Variants in LRRTM3 observed in about 807,000 individuals in gnomAD.
The protein encoded by LRRTM3 is leucine-rich repeat transmembrane neuronal protein 3.
In LRRTM3, 24 loss-of-function variants were observed where a neutral mutation model predicts 44.7. The observed-to-expected ratio is 0.54, with a 90% CI of 0.39 to 0.76. LRRTM3 has a LOEUF of 0.76. Among genes scored for constraint, LRRTM3 ranks in the 30% least tolerant of loss-of-function variants. The probability of loss-of-function intolerance (pLI) is 0.00; values close to 1 mark genes in which losing one functional copy is unlikely to be tolerated. For synonymous variants in LRRTM3, 277 were observed against 278.7 expected, an observed-to-expected ratio of 0.99 and a Z score of 0.06; for missense variants, 587 against 702.2, an observed-to-expected ratio of 0.84 and a Z score of 1.85.
chr10:66,959,019 C>T (rs1848982159), intron 2 of LRRTM3, among the ~76,000 whole-genome samples: 1 of 152,116 alleles, frequency 6.6e-6, no homozygotes, highest in Admixed American at 6.6e-5. Flanking sequence ...ACAGACCCTT[C>T]TCTCTTAATT....
intron 2 of LRRTM3, among the ~76,000 whole-genome samples, chr10:67,046,947 A>AC (rs1854790279): frequency 2.0e-5 from 3 of 152,216 alleles, no homozygotes; most frequent in Non-Finnish European, 4.4e-5. Flanking sequence ...GTAAAGAAGA[A>AC]ATAATTACCA....
At chr10:67,081,102 A>T (rs954845654) in intron 2 of LRRTM3, among the ~76,000 whole-genome samples, 1 of 152,150 alleles carries the variant, frequency 6.6e-6, no homozygotes, top group Non-Finnish European at 1.5e-5. Context: ...ATAATGTCTA[A>T]ATGTTTCTCT....
At chr10:67,041,963 C>T (rs879825502) in intron 2 of LRRTM3, among the ~76,000 whole-genome samples, 5 of 152,006 alleles carry the variant, frequency 3.3e-5, no homozygotes, top group Non-Finnish European at 5.9e-5. Context: ...CAGAAGGACA[C>T]ATTGGGCATA....
chr10:67,010,116 C>G (rs1221799249), intron 2 of LRRTM3, among the ~76,000 whole-genome samples: 1 of 152,114 alleles, frequency 6.6e-6, no homozygotes, highest in East Asian at 1.9e-4. Context: ...ATTTATCATA[C>G]TCTAACTAGT....
At chr10:66,973,896 A>G (rs1327169312) in intron 2 of LRRTM3, among the ~76,000 whole-genome samples, 1 of 152,190 alleles carries the variant, frequency 6.6e-6, no homozygotes, top group Non-Finnish European at 1.5e-5. Flanking sequence ...TGCTGGGATT[A>G]CAGGCGTGAA....
intron 2 of LRRTM3, among the ~76,000 whole-genome samples, chr10:66,930,518 G>C (rs1047889077): frequency 3.9e-5 from 6 of 152,078 alleles, no homozygotes; most frequent in African/African-American, 1.4e-4. Context: ...TTAATGAAAT[G>C]CAGTCTTAAA....
chr10:67,075,358 T>C (rs191036919), intron 2 of LRRTM3, among the ~76,000 whole-genome samples: 3 of 152,276 alleles, frequency 2.0e-5, no homozygotes, highest in Admixed American at 2.0e-4. Flanking sequence ...ATTCCACCAT[T>C]AGGAAAAGAG....
At chr10:66,937,442 C>G (rs1189164911) in intron 2 of LRRTM3, among the ~76,000 whole-genome samples, 5 of 152,144 alleles carry the variant, frequency 3.3e-5, no homozygotes, top group South Asian at 4.1e-4. Context: ...AATACTTTCT[C>G]CTTCCCTTCA....
intron 2 of LRRTM3, among the ~76,000 whole-genome samples, chr10:67,081,332 G>A (rs1430430151): frequency 1.3e-5 from 2 of 152,124 alleles, no homozygotes; most frequent in African/African-American, 4.8e-5. Context: ...AAGGACATGA[G>A]GAGTTTTTCA....
At chr10:67,013,007 T>C (rs1021582675) in intron 2 of LRRTM3, 2 of 152,166 alleles carry the variant, frequency 1.3e-5, no homozygotes, top group Non-Finnish European at 2.9e-5. Flanking sequence ...CCAGTTCTTA[T>C]GCACTGCAAT....
intron 2 of LRRTM3, among the ~76,000 whole-genome samples, chr10:66,971,683 A>G (rs1319765488): frequency 6.6e-6 from 1 of 152,162 alleles, no homozygotes; most frequent in Non-Finnish European, 1.5e-5. Context: ...TGGTAAGAAC[A>G]GGTAAGGGTA....
At chr10:67,026,443 TA>T (rs1385693626) in intron 2 of LRRTM3, among the ~76,000 whole-genome samples, 2 of 151,854 alleles carry the variant, frequency 1.3e-5, no homozygotes, top group Admixed American at 6.6e-5. Context: ...CTATTTAAAA[TA>T]AAAACAAAAT....
intron 2 of LRRTM3, among the ~76,000 whole-genome samples, chr10:67,068,139 G>A (rs1035806890): frequency 5.9e-5 from 9 of 152,056 alleles, no homozygotes. Flanking sequence ...AATAATGAGA[G>A]CTAAACTAAG....
intron 2 of LRRTM3, among the ~76,000 whole-genome samples, chr10:66,983,136 C>A (rs1015236156): frequency 1.9e-4 from 29 of 152,164 alleles, no homozygotes; most frequent in African/African-American, 6.8e-4. Flanking sequence ...GACTTAAAAA[C>A]TAATGAGCAA....
chr10:67,078,383 AAATG>A lies in LRRTM3; in HGVS notation c.1537-19202_1537-19199del, dbSNP rs1292876192. On this transcript the variant is annotated intron_variant, in intron 2 of 2. Transcript: ENST00000361320. ...GTGTGTGAATATTTGTTCTGTAAGG[AAATG>A]AGAAAGAAAATGATCAGAAAGAAAA... Among the ~76,000 whole-genome samples, 6 of 152,360 alleles carry A rather than the reference AAATG, an allele frequency of 3.9e-5. No homozygotes were observed. In the South Asian group the frequency reaches 1.2e-3, roughly 32 times the overall value.
chr10:67,009,134 T>C (rs933190411), intron 2 of LRRTM3, among the ~76,000 whole-genome samples: 1 of 152,158 alleles, frequency 6.6e-6, no homozygotes, highest in African/African-American at 2.4e-5. Flanking sequence ...TTAATATTTA[T>C]TAACCTTACC....
At chr10:67,022,367 T>C (rs1035214637) in intron 2 of LRRTM3, among the ~76,000 whole-genome samples, 1 of 152,042 alleles carries the variant, frequency 6.6e-6, no homozygotes, top group African/African-American at 2.4e-5. Context: ...GTGTGTTCTA[T>C]GAAGGAACAA....
intron 2 of LRRTM3, among the ~76,000 whole-genome samples, chr10:67,023,857 C>A (rs1271863641): frequency 6.6e-6 from 1 of 152,140 alleles, no homozygotes; most frequent in Non-Finnish European, 1.5e-5. Flanking sequence ...GATTATGTAA[C>A]TTCAGGTAGA....
Position 66,980,376 on chromosome 10 carries a change from A to G in LRRTM3, c.1536+51924A>G, listed in dbSNP as rs535178005. Among the ~76,000 whole-genome samples the G allele has an allele frequency of 7.9e-5, 12 of 152,292 alleles. No homozygotes were observed. In the East Asian group the frequency reaches 2.1e-3, roughly 27 times the overall value. On this transcript the variant is annotated intron_variant, in intron 2 of 2. Transcript: ENST00000361320. ...CTGCTTGCTCTGTTAGCAGCAAACT[A>G]TATAGGGAAGCCATCTTCTGGCTCA...
Sources: allele counts gnomAD v4.1 joint callset (sites outside exome capture counted in the v4.1 genomes callset), GRCh38; gene constraint gnomAD v4.1.1; transcripts MANE v1.5; gene names NCBI Gene and HGNC (gene_info 2026-07-23, HGNC 2026-07-21).